KLHDC4: variants seen among roughly 807,000 people sequenced by gnomAD.
KLHDC4 encodes the protein kelch domain containing 4.
A neutral mutation model predicts 62.4 loss-of-function variants in KLHDC4; 90 were observed. The observed-to-expected ratio is 1.44, with a 90% CI of 1.22 to 1.72. The LOEUF is 1.72. Among genes scored for constraint, KLHDC4 ranks in the 40% most tolerant of loss-of-function variants. The pLI is 0.00. For synonymous variants in KLHDC4, 386 were observed against 284.4 expected, an observed-to-expected ratio of 1.36 and a Z score of -3.59; for missense variants, 1,025 against 699.7, an observed-to-expected ratio of 1.47 and a Z score of -5.25.
chr16:87,716,715 G>A (rs1034796654), intron 7 of KLHDC4, among the ~76,000 whole-genome samples: 1 of 152,138 alleles, frequency 6.6e-6, no homozygotes, highest in African/African-American at 2.4e-5. Flanking sequence ...TAGACCATGA[G>A]GTCAGGAGAT....
intron 5 of KLHDC4, among the ~76,000 whole-genome samples, chr16:87,736,433 C>A (rs918536340): frequency 5.3e-5 from 8 of 152,198 alleles, no homozygotes; most frequent in African/African-American, 1.9e-4. Flanking sequence ...GCAATTCCTG[C>A]CGGATCCCTG....
At chr16:87,715,840 AC>A (rs1726439309) in intron 7 of KLHDC4, among the ~76,000 whole-genome samples, 1 of 152,184 alleles carries the variant, frequency 6.6e-6, no homozygotes, top group African/African-American at 2.4e-5. Flanking sequence ...GACTTCGGCC[AC>A]GCTACTGTGG....
intron 7 of KLHDC4, among the ~76,000 whole-genome samples, chr16:87,720,900 T>A (rs2038167155): frequency 6.6e-6 from 1 of 152,184 alleles, no homozygotes; most frequent in South Asian, 2.1e-4. Context: ...CGTGCCTGCC[T>A]CTCCAGTCAC....
chr16:87,710,481 T>C (rs907554536), intron 9 of KLHDC4: 1 of 152,226 alleles, frequency 6.6e-6, no homozygotes, highest in African/African-American at 2.4e-5. Flanking sequence ...TCCTCCGTAA[T>C]CCTGGGGAAT....
chr16:87,707,616 G>A (rs2034908236), downstream of KLHDC4, among the ~76,000 whole-genome samples: 1 of 152,208 alleles, frequency 6.6e-6, no homozygotes, highest in South Asian at 2.1e-4. Flanking sequence ...TGGTTTTGCA[G>A]AAGGAAAGGC....
At chr16:87,715,654 C>G (rs1285803443) in intron 7 of KLHDC4, among the ~76,000 whole-genome samples, 1 of 152,160 alleles carries the variant, frequency 6.6e-6, no homozygotes, top group African/African-American at 2.4e-5. Flanking sequence ...TCTCATTAGA[C>G]TGGGGTTATG....
At chr16:87,761,323 T>C (rs1410115628) in intron 2 of KLHDC4, among the ~76,000 whole-genome samples, 7 of 151,982 alleles carry the variant, frequency 4.6e-5, no homozygotes. Flanking sequence ...CGCAGCACAA[T>C]CGTGACCCTC....
intron 7 of KLHDC4, among the ~76,000 whole-genome samples, chr16:87,725,656 G>A (rs192250158): frequency 1.8e-4 from 28 of 152,332 alleles, no homozygotes; most frequent in African/African-American, 6.3e-4. Context: ...TGAAATGGGA[G>A]TGAAGCAACA....
chr16:87,762,498 C>T (rs2046036914), intron 1 of KLHDC4, among the ~76,000 whole-genome samples: 5 of 152,254 alleles, frequency 3.3e-5, no homozygotes, highest in East Asian at 1.9e-4. Context: ...TGGGCCGTCA[C>T]GCCTGCCTGC....
chr16:87,765,902 C>G lies in KLHDC4; in HGVS notation c.-12G>C, dbSNP rs997354338. 2 of 1,550,858 alleles carry G rather than the reference C, an allele frequency of 1.3e-6. No individual in the cohort carries two copies. The highest frequency in any genetic ancestry group is 2.4e-5 in the South Asian group (2 of 84,078). On this transcript the variant is annotated 5_prime_UTR_variant, in exon 1 of 12. Transcript: ENST00000270583. ...CCCTTCTTGCCCATCTTGCCGGGTC[C>G]CAAGCCGCGACGGGACACCAGGAAA...
At chr16:87,765,303 G>A (rs774619374) in intron 1 of KLHDC4, 19 of 456,158 alleles carry the variant, frequency 4.2e-5, no homozygotes, top group Admixed American at 2.6e-4. Flanking sequence ...ACCATCTGCT[G>A]CTCACTGCTC....
At chr16:87,749,567 AAAAAG>A (rs2043588568) in intron 4 of KLHDC4, among the ~76,000 whole-genome samples, 1 of 151,742 alleles carries the variant, frequency 6.6e-6, no homozygotes, top group African/African-American at 2.4e-5. Flanking sequence ...AAAAAAAAAA[AAAAAG>A]AAAGAAAGTG....
intron 11 of KLHDC4, 99 bp from the exon 12 acceptor site, chr16:87,708,174 C>T (rs1567643660): frequency 3.2e-6 from 2 of 623,664 alleles, no homozygotes; most frequent in East Asian, 5.5e-5. Context: ...TCAGGGAAGA[C>T]CTCATCAAAG....
At chr16:87,765,700 A>G in intron 1 of KLHDC4, 92 bp downstream of exon 1, 1 of 1,279,278 alleles carries the variant, frequency 7.8e-7, no homozygotes, top group South Asian at 1.4e-5. Flanking sequence ...CGCGGCTCCC[A>G]CGGCCGACCC....
rs77275765 is a variant in KLHDC4 at position 87,760,057 on chromosome 16, G to A, written c.191+1892C>T. 6.4e-3 allele frequency among the ~76,000 whole-genome samples: 978 copies of A among 152,112 alleles called. 16 individuals carry two copies. Among genetic ancestry groups the A allele is most frequent in the African/African-American group, 0.023 (939 of 41,488 alleles). ...TTTAAAGTAATATGATTAAGAAATA[G>A]GAAGTTGGAAGATATTAAGGTTACC... On this transcript the variant is annotated intron_variant, in intron 2 of 11. Transcript: ENST00000270583.
chr16:87,729,379 G>A (rs1005662622), intron 6 of KLHDC4: 1 of 152,196 alleles, frequency 6.6e-6, no homozygotes, highest in South Asian at 2.1e-4. Context: ...GGGACCAGTA[G>A]AGAAAGAGGG....
rs1597319309 is a variant in KLHDC4, at chr16:87,700,796, C to T, written c.*843G>A. ...AGGGCGGAGGGAGGAGGTTGGAGGG[C>T]AGAGGGGAGGAGGTTGCAGGGCAGA... On this transcript the variant is annotated 3_prime_UTR_variant, in exon 1 of 1. Transcript: ENST00000446344. 4.1e-5 allele frequency: 5 copies of T among 122,560 alleles called. No homozygotes were observed. In the South Asian group the frequency reaches 4.7e-4, roughly 12 times the overall value. 7.6% of individuals were successfully genotyped at this position (122,560 alleles called of 1,614,324 possible).
At chr16:87,709,057 G>A (rs896468084) in intron 10 of KLHDC4, among the ~76,000 whole-genome samples, 2 of 152,280 alleles carry the variant, frequency 1.3e-5, no homozygotes, top group African/African-American at 4.8e-5. Flanking sequence ...CAGCACCCGG[G>A]ACAAAGGACA....
At chr16:87,743,725 G>A (rs1235989004) in intron 5 of KLHDC4, among the ~76,000 whole-genome samples, 4 of 151,934 alleles carry the variant, frequency 2.6e-5, no homozygotes, top group South Asian at 2.1e-4. Flanking sequence ...GGGAGACAGA[G>A]CGCGACACCG....
Sources: gnomAD v4.1 joint callset for allele counts (sites outside exome capture counted in the v4.1 genomes callset) on GRCh38, gnomAD v4.1.1 for gene constraint, MANE v1.5 for transcripts, NCBI Gene and HGNC (gene_info 2026-07-23, HGNC 2026-07-21) for gene names.